ELK4: variants seen among roughly 807,000 people sequenced by gnomAD.
ELK4 encodes ETS transcription factor ELK4, also known as ETS domain-containing protein Elk-4.
In ELK4, 16 loss-of-function variants were observed where a neutral mutation model predicts 29.6. The observed-to-expected ratio is 0.54, with a 90% CI of 0.37 to 0.82. The LOEUF (loss-of-function observed/expected upper bound fraction) is 0.82, where lower values mean the gene tolerates loss of function less well. ELK4 is among the 40% of genes least tolerant of loss of function. The pLI is 0.00. For missense variants in ELK4, 465 were observed against 507.1 expected (o/e 0.92, Z 0.80); for synonymous variants, 213 against 191.1 (o/e 1.11, Z -0.95).
chr1:205,631,638 C>T lies in ELK4; in HGVS notation c.-16G>A, dbSNP rs1670592933. On this transcript the variant is annotated 5_prime_UTR_variant, in exon 1 of 5. Coordinates refer to ENST00000357992, the MANE Select transcript of ELK4 (RefSeq NM_001973.4). Reference sequence around the variant, plus strand: ...CGCGGGGCTGACCGCTCACCGACGCCGCGCGCGGGGCTCCCCCTCGGTCTC... The same window carrying T: ...CGCGGGGCTGACCGCTCACCGACGCTGCGCGCGGGGCTCCCCCTCGGTCTC... 9.3e-6 allele frequency: 3 copies of T among 324,212 alleles called. No individual in the cohort carries two copies. Among genetic ancestry groups the T allele is most frequent in the South Asian group, 4.3e-5 (2 of 47,004 alleles). The allele number at this position is 324,212 out of a possible 1,614,324, so 20.1% of individuals were successfully genotyped here. A position where few individuals can be genotyped will look rare whatever the true frequency, so the allele number is the denominator to read the frequency against.
Position 205,611,363 on chromosome 1 carries a change from A to G in ELK4, c.*5183T>C, listed in dbSNP as rs1414091494. 3 of 211,300 alleles carry G rather than the reference A, an allele frequency of 1.4e-5. No individual in the cohort carries two copies. The highest frequency in any genetic ancestry group is 2.9e-5 in the Non-Finnish European group (3 of 104,214). The allele number at this position is 211,300 out of a possible 1,614,324, so 13.1% of individuals were successfully genotyped here. A position where few individuals can be genotyped will look rare whatever the true frequency, so the allele number is the denominator to read the frequency against. On this transcript the variant is annotated 3_prime_UTR_variant, in exon 5 of 5. Transcript: ENST00000357992. ...AATCAAACCACCTTCTTTTCTTAATACACGACCAACCACAAGAATTCTAGA... is the reference window on the plus strand; with the variant it reads ...AATCAAACCACCTTCTTTTCTTAATGCACGACCAACCACAAGAATTCTAGA...
At chr1:205,625,713 C>CT (rs1338390810) in intron 1 of ELK4, 1 of 735,942 alleles carries the variant, frequency 1.4e-6, no homozygotes, top group Non-Finnish European at 2.5e-6. Flanking sequence ...GAGTCCCACT[C>CT]TGTCACCCAG....
chr1:205,620,260 C>T lies in ELK4; in HGVS notation c.786G>A (p.Gln262=). 1 of 1,614,112 alleles carries T rather than the reference C, an allele frequency of 6.2e-7. No individual in the cohort carries two copies. Among genetic ancestry groups the T allele is most frequent in the African/African-American group, 1.3e-5 (1 of 75,022 alleles). ...GTGGTGAAGGTGTTCTGGGAGGTTCCTGCAAAGGGGGTATGGACGAAATGG... is the reference window on the plus strand; with the variant it reads ...GTGGTGAAGGTGTTCTGGGAGGTTCTTGCAAAGGGGGTATGGACGAAATGG... ...TPPISSIPPL[Q]EPPRTPSPPL... The change falls in exon 3 of 5, where the codon CAG becomes CAA. Residue 262 remains glutamine (Q), a synonymous_variant. Transcript: ENST00000357992.
chr1:205,620,341 G>C lies in ELK4; in HGVS notation c.705C>G (p.Ser235=), dbSNP rs748704910. Residue 235 remains serine (S), a synonymous_variant, in exon 3 of 5, where the codon TCC becomes TCG. Coordinates refer to ENST00000357992, the MANE Select transcript of ELK4 (RefSeq NM_001973.4). The stretch of plus-strand genomic sequence containing the variant: ...TAGAGGCAGAGGTTGGGGCTTCCAG[G>C]GAAGGCAGTTTTGGGGAAACCAATG... ...LETLVSPKLP[S]LEAPTSASNV... 3.1e-6 allele frequency: 5 copies of C among 1,614,186 alleles called. No individual in the cohort carries two copies. The highest frequency in any genetic ancestry group is 4.2e-6 in the Non-Finnish European group (5 of 1,180,032).
rs1238129200 is a variant in ELK4, at chr1:205,612,968, T to C, written c.*3578A>G. 2.9e-5 allele frequency: 6 copies of C among 204,944 alleles called. No homozygotes were observed. Among genetic ancestry groups the C allele is most frequent in the African/African-American group, 1.1e-4 (5 of 43,746 alleles). 12.7% of individuals were successfully genotyped at this position (204,944 alleles called of 1,614,324 possible). A position where few individuals can be genotyped will look rare whatever the true frequency, so the allele number is the denominator to read the frequency against. On this transcript the variant is annotated 3_prime_UTR_variant, in exon 5 of 5. Transcript: ENST00000357992. ...AAAATGTGGGAAAAAATTAAACTCA[T>C]ATTTTAACTCTAAGAAGCTTACGGT...
chr1:205,613,073 T>TA lies in ELK4; in HGVS notation c.*3472dup, dbSNP rs35809708. The stretch of plus-strand genomic sequence containing the variant: ...AATCCAGATTGTTTGTGCATACATT[T>TA]AAAAAAAAAAAAATCAATGGAAATT... On this transcript the variant is annotated 3_prime_UTR_variant, in exon 5 of 5. Coordinates refer to ENST00000357992, the MANE Select transcript of ELK4 (RefSeq NM_001973.4). The TA allele has an allele frequency of 4.8e-3, 868 of 181,524 alleles. 1 individual carries two copies. The highest frequency in any genetic ancestry group is 6.5e-3 in the African/African-American group (267 of 41,280). 11.2% of individuals were successfully genotyped at this position (181,524 alleles called of 1,614,324 possible).
intron 4 of ELK4, 74 bp downstream of exon 4, chr1:205,618,883 T>G: frequency 8.9e-7 from 1 of 1,120,558 alleles, no homozygotes; most frequent in Non-Finnish European, 1.3e-6. Context: ...AACTGAATAG[T>G]GGGACCCTGC....
chr1:205,631,289 C>T (rs1670580568), intron 1 of ELK4, among the ~76,000 whole-genome samples: 1 of 152,246 alleles, frequency 6.6e-6, no homozygotes, highest in South Asian at 2.1e-4. Flanking sequence ...CCTTGGTAAG[C>T]ACTGAATTAC....
intron 4 of ELK4, among the ~76,000 whole-genome samples, chr1:205,617,624 G>C (rs914545402): frequency 1.3e-5 from 2 of 151,644 alleles, no homozygotes; most frequent in African/African-American, 4.8e-5. Flanking sequence ...TGCTTGGGCC[G>C]CGTGCAGTGG....
At position 205,623,849 on chromosome 1, in the gene ELK4, G is replaced by A. The variant is rs1382806549; in HGVS notation, c.34C>T (p.Leu12Phe). The change falls in exon 2 of 5, where the codon CTT becomes TTT. Residue 12 changes from leucine to phenylalanine, a missense_variant. Leu to Phe is a conservative substitution (Grantham distance 22, BLOSUM62 0). Transcript: ENST00000357992. ...TTCTGAGGCTTCTGCAGGAGCTGAA[G>A]AAGGAACTGCCACAGGGTGATAGCA... is the stretch of plus-strand genomic sequence containing the variant. ...DSAITLWQFL[L>F]QLLQKPQNKH... 7 of 1,614,088 alleles carry A rather than the reference G, an allele frequency of 4.3e-6. No homozygotes were observed. The highest frequency in any genetic ancestry group is 5.1e-6 in the Non-Finnish European group (6 of 1,180,028).
chr1:205,617,945 T>C (rs1200647395), intron 4 of ELK4, among the ~76,000 whole-genome samples: 1 of 151,766 alleles, frequency 6.6e-6, no homozygotes, highest in African/African-American at 2.4e-5. Flanking sequence ...AGGGAACCTA[T>C]GTGCAGAGAT....
chr1:205,626,275 T>C (rs1670459318), intron 1 of ELK4: 2 of 413,340 alleles, frequency 4.8e-6, no homozygotes, highest in Non-Finnish European at 9.3e-6. Context: ...TTCTTAATGT[T>C]TGAGGCTTTC....
At chr1:205,627,959 T>C (rs1670500107) in intron 1 of ELK4, among the ~76,000 whole-genome samples, 1 of 152,224 alleles carries the variant, frequency 6.6e-6, no homozygotes, top group Non-Finnish European at 1.5e-5. Flanking sequence ...GCTGAGGCCA[T>C]GAGTCCCAAG....
At position 205,629,463 on chromosome 1, in the gene ELK4, C is replaced by T. The variant is rs559850315; in HGVS notation, c.-10+2169G>A. Among the ~76,000 whole-genome samples, 4 of 152,272 alleles carry T rather than the reference C, an allele frequency of 2.6e-5. No individual in the cohort carries two copies. The East Asian group carries it at 5.8e-4, about 22-fold the overall frequency. The stretch of plus-strand genomic sequence containing the variant: ...AGAGCTGGCCGGGCACAGTGGCATA[C>T]GCCTACCATCCCAGCACTTTGGGAG... On this transcript the variant is annotated intron_variant, in intron 1 of 4. Coordinates refer to ENST00000357992, the MANE Select transcript of ELK4 (RefSeq NM_001973.4).
rs943847868 is a variant in ELK4, at chr1:205,612,596, G to T, written c.*3950C>A. On this transcript the variant is annotated 3_prime_UTR_variant, in exon 5 of 5. Coordinates refer to ENST00000357992, the MANE Select transcript of ELK4 (RefSeq NM_001973.4). The stretch of plus-strand genomic sequence containing the variant: ...CCTTTTCTGAACCACTGCTTCAGAG[G>T]TATTGAGAAGTGGTACTGAGTGGCT... 2 of 212,304 alleles carry T rather than the reference G, an allele frequency of 9.4e-6. No individual in the cohort carries two copies. Among genetic ancestry groups the T allele is most frequent in the South Asian group, 1.9e-4 (1 of 5,376 alleles). 13.2% of individuals were successfully genotyped at this position (212,304 alleles called of 1,614,324 possible).
chr1:205,631,815 T>A lies in ELK4; in HGVS notation c.-193A>T, dbSNP rs1670598384. On this transcript the variant is annotated 5_prime_UTR_variant, in exon 1 of 5. The change abolishes an upstream ATG in the 5' untranslated region. Coordinates refer to ENST00000357992, the MANE Select transcript of ELK4 (RefSeq NM_001973.4). Reference sequence around the variant, plus strand: ...CGCCGGGTGCCCGCAGCCGCCCGCATCTCCCGCCGCCGCGGCTCCTGGCGC... The same window carrying A: ...CGCCGGGTGCCCGCAGCCGCCCGCAACTCCCGCCGCCGCGGCTCCTGGCGC... The A allele has an allele frequency of 6.6e-6, 1 of 151,158 alleles. No individual in the cohort carries two copies. Among genetic ancestry groups the A allele is most frequent in the African/African-American group, 2.5e-5 (1 of 40,448 alleles). The allele number at this position is 151,158 out of a possible 1,614,324, so 9.4% of individuals were successfully genotyped here. A position where few individuals can be genotyped will look rare whatever the true frequency, so the allele number is the denominator to read the frequency against.
In ELK4 at chr1:205,613,414, T is replaced by C. The variant is rs1670183906; in HGVS notation, c.*3132A>G. The C allele has an allele frequency of 5.5e-6, 1 of 183,270 alleles. No individual in the cohort carries two copies. The highest frequency in any genetic ancestry group is 1.2e-5 in the Non-Finnish European group (1 of 86,310). The allele number at this position is 183,270 out of a possible 1,614,324, so 11.4% of individuals were successfully genotyped here. A position where few individuals can be genotyped will look rare whatever the true frequency, so the allele number is the denominator to read the frequency against. On this transcript the variant is annotated 3_prime_UTR_variant, in exon 5 of 5. Transcript: ENST00000357992. Reference sequence around the variant, plus strand: ...TTAATTTTGTATTTTGAAAAGTCAGTATATAAATAAGAAAAAATTATTTTA... The same window carrying C: ...TTAATTTTGTATTTTGAAAAGTCAGCATATAAATAAGAAAAAATTATTTTA...
chr1:205,618,867 T>C (rs1418871023), intron 4 of ELK4, 90 bp downstream of exon 4: 1 of 940,228 alleles, frequency 1.1e-6, no homozygotes, highest in East Asian at 2.6e-5. Flanking sequence ...AGTTTTATAA[T>C]GATTAAACTG....
At position 205,612,360 on chromosome 1, in the gene ELK4, G is replaced by A. The variant is rs2102373440; in HGVS notation, c.*4186C>T. Reference sequence around the variant, plus strand: ...AGGGTGCACAAGACAACCAACTGGGGTGTGGGAAGAAAATACTATAACTGC... The same window carrying A: ...AGGGTGCACAAGACAACCAACTGGGATGTGGGAAGAAAATACTATAACTGC... On this transcript the variant is annotated 3_prime_UTR_variant, in exon 5 of 5. Transcript: ENST00000357992. 1 of 216,040 alleles carries A rather than the reference G, an allele frequency of 4.6e-6. No individual in the cohort carries two copies. Among genetic ancestry groups the A allele is most frequent in the East Asian group, 6.9e-5 (1 of 14,470 alleles). The allele number at this position is 216,040 out of a possible 1,614,324, so 13.4% of individuals were successfully genotyped here.
Sources: gnomAD v4.1 joint callset for allele counts (sites outside exome capture counted in the v4.1 genomes callset) on GRCh38, gnomAD v4.1.1 for gene constraint, MANE v1.5 for transcripts, NCBI Gene and HGNC (gene_info 2026-07-23, HGNC 2026-07-21) for gene names.